Variants in ROBO2 observed in about 807,000 individuals in gnomAD.
The protein encoded by ROBO2 is roundabout guidance receptor 2, also known as roundabout homolog 2.
Under a neutral mutation model 160.8 loss-of-function variants are expected in ROBO2, and 53 were observed. The observed-to-expected ratio is 0.33, with a 90% CI of 0.26 to 0.41. The LOEUF (loss-of-function observed/expected upper bound fraction) is 0.41, where lower values mean the gene tolerates loss of function less well. ROBO2 is among the 10% of genes least tolerant of loss of function. The pLI is 1.00. For missense variants in ROBO2, 1,577 were observed against 1,722.4 expected (o/e 0.92, Z 1.49); for synonymous variants, 664 against 611.7 (o/e 1.09, Z -1.26).
chr3:76,902,578 T>C (rs2148882859), intron 2 of ROBO2, among the ~76,000 whole-genome samples: 1 of 152,204 alleles, frequency 6.6e-6, no homozygotes, highest in East Asian at 1.9e-4. Flanking sequence ...TTTAATAATT[T>C]CAAATAAGAT....
At chr3:76,148,637 A>G (rs1457884700) in intron 2 of ROBO2, among the ~76,000 whole-genome samples, 3 of 152,034 alleles carry the variant, frequency 2.0e-5, no homozygotes, top group Non-Finnish European at 4.4e-5. Context: ...GCCAAGTCCC[A>G]GTGTTTGATT....
chr3:77,243,813 G>T (rs2089364626), intron 2 of ROBO2, among the ~76,000 whole-genome samples: 1 of 152,158 alleles, frequency 6.6e-6, no homozygotes, highest in African/African-American at 2.4e-5. Flanking sequence ...TGCATTAAAA[G>T]CACTTTAGAT....
chr3:77,362,461 A>G (rs2153469383), intron 2 of ROBO2, among the ~76,000 whole-genome samples: 1 of 152,258 alleles, frequency 6.6e-6, no homozygotes, highest in African/African-American at 2.4e-5. Flanking sequence ...GTGGAGGATG[A>G]AGAACCTGCT....
At chr3:76,406,096 T>G (rs2078109784) in intron 2 of ROBO2, among the ~76,000 whole-genome samples, 2 of 151,776 alleles carry the variant, frequency 1.3e-5, no homozygotes, top group Admixed American at 1.3e-4. Flanking sequence ...ATTTTTTCAT[T>G]TCAGTATTGA....
intron 2 of ROBO2, among the ~76,000 whole-genome samples, chr3:77,469,661 A>G (rs1345890495): frequency 4.6e-5 from 7 of 152,294 alleles, no homozygotes; most frequent in Admixed American, 2.6e-4. Context: ...GACCTTCTTG[A>G]ACTGTCTGGC....
chr3:77,424,956 A>G (rs566115604), intron 2 of ROBO2, among the ~76,000 whole-genome samples: 3 of 152,288 alleles, frequency 2.0e-5, no homozygotes, highest in African/African-American at 7.2e-5. Flanking sequence ...CAACACAAGT[A>G]TCCCTTCCCG....
chr3:76,812,942 T>C (rs1361691679), intron 2 of ROBO2, among the ~76,000 whole-genome samples: 1 of 126,602 alleles, frequency 7.9e-6, no homozygotes, highest in South Asian at 2.5e-4. Context: ...TTTTAGCAAA[T>C]CTCATCCATG....
intron 2 of ROBO2, among the ~76,000 whole-genome samples, chr3:76,274,350 T>TA (rs548394695): frequency 0.096 from 14,065 of 146,964 alleles, 1,107 homozygotes; most frequent in African/African-American, 0.22. Context: ...AAAGTATAAT[T>TA]AAAAAAAAAA....
chr3:77,398,964 C>A (rs530441432), intron 2 of ROBO2, among the ~76,000 whole-genome samples: 30 of 151,662 alleles, frequency 2.0e-4, no homozygotes, highest in African/African-American at 7.0e-4. Flanking sequence ...TTTTTTTTTC[C>A]TTCTAAAAGT....
chr3:76,599,119 T>C (rs2086929408), intron 2 of ROBO2, among the ~76,000 whole-genome samples: 2 of 152,190 alleles, frequency 1.3e-5, no homozygotes, highest in African/African-American at 4.8e-5. Context: ...AGGTTTATTA[T>C]AGAGGTAAAC....
chr3:76,392,586 C>T (rs1050555233), intron 2 of ROBO2, among the ~76,000 whole-genome samples: 8 of 151,964 alleles, frequency 5.3e-5, no homozygotes, highest in Non-Finnish European at 8.8e-5. Flanking sequence ...TGCATTTTCC[C>T]GCAAAATGAT....
At chr3:76,822,296 G>A (rs1311918453) in intron 2 of ROBO2, among the ~76,000 whole-genome samples, 1 of 151,956 alleles carries the variant, frequency 6.6e-6, no homozygotes, top group African/African-American at 2.4e-5. Flanking sequence ...CTAGTACACA[G>A]TGAATACTGA....
At chr3:76,981,276 A>G (rs2149327800) in intron 2 of ROBO2, among the ~76,000 whole-genome samples, 1 of 152,330 alleles carries the variant, frequency 6.6e-6, no homozygotes, top group East Asian at 1.9e-4. Context: ...TATTTTCCAA[A>G]GTGGCTATAC....
intron 2 of ROBO2, among the ~76,000 whole-genome samples, chr3:77,098,721 G>GT (rs2071449244): frequency 6.6e-6 from 1 of 151,976 alleles, no homozygotes; most frequent in Non-Finnish European, 1.5e-5. Flanking sequence ...TCCGGGCATG[G>GT]TGGCGGCGCC....
At chr3:77,117,516 G>A (rs2074327603) in intron 2 of ROBO2, among the ~76,000 whole-genome samples, 1 of 152,030 alleles carries the variant, frequency 6.6e-6, no homozygotes, top group African/African-American at 2.4e-5. Flanking sequence ...ACACAGAAAT[G>A]TATTCTATTC....
chr3:76,913,852 AAATACTCCTTTAGAGGAGTAACTGAAT>A (rs1254361844), intron 2 of ROBO2, among the ~76,000 whole-genome samples: 15 of 152,068 alleles, frequency 9.9e-5, no homozygotes, highest in East Asian at 1.9e-4. Flanking sequence ...TAACTGTGAA[AAATACTCCTTTAGAGGAGTAACTGAAT>A]AATACTCCTT....
At chr3:76,969,343 C>G (rs2059459267) in intron 2 of ROBO2, among the ~76,000 whole-genome samples, 1 of 152,058 alleles carries the variant, frequency 6.6e-6, no homozygotes, top group Non-Finnish European at 1.5e-5. Flanking sequence ...TATACTAAAT[C>G]AGAAATTGAA....
chr3:76,289,732 A>G (rs957208509), intron 2 of ROBO2, among the ~76,000 whole-genome samples: 1 of 152,142 alleles, frequency 6.6e-6, no homozygotes, highest in Non-Finnish European at 1.5e-5. Flanking sequence ...TCCCAGCATA[A>G]TTTATTGACT....
intron 2 of ROBO2, among the ~76,000 whole-genome samples, chr3:76,635,869 G>A (rs1221978541): frequency 1.3e-5 from 2 of 152,172 alleles, no homozygotes; most frequent in African/African-American, 4.8e-5. Flanking sequence ...CTTCAGAACT[G>A]AGCAGAGGAG....
Sources: allele counts gnomAD v4.1 joint callset (sites outside exome capture counted in the v4.1 genomes callset), GRCh38; gene constraint gnomAD v4.1.1; transcripts MANE v1.5; gene names NCBI Gene and HGNC (gene_info 2026-07-23, HGNC 2026-07-21).